SPON2: variants seen among roughly 807,000 people sequenced by gnomAD.
The protein encoded by SPON2 is spondin-2.
Under a neutral mutation model 29.9 loss-of-function variants are expected in SPON2, and 32 were observed. The ratio of observed to expected loss-of-function variants is 1.07; its 90% CI spans 0.81 to 1.44. SPON2 has a LOEUF of 1.44. Among genes scored for constraint, SPON2 ranks in the 40% most tolerant of loss-of-function variants. The pLI, the probability that SPON2 is intolerant of heterozygous loss-of-function variation, is 0.00. For synonymous variants in SPON2, 248 were observed against 209.1 expected (o/e 1.19, Z -1.61); for missense variants, 541 against 455.5 (o/e 1.19, Z -1.71).
chr4:1,194,801 C>A (rs910937357), intron 1 of SPON2, among the ~76,000 whole-genome samples: 3 of 152,112 alleles, frequency 2.0e-5, no homozygotes, highest in African/African-American at 7.2e-5. Flanking sequence ...TCAGCGGGGG[C>A]TGCCTGGCAG....
At position 1,168,575 on chromosome 4, in the gene SPON2, G is replaced by A. The variant is rs115682885; in HGVS notation, c.812-919C>T. The stretch of plus-strand genomic sequence containing the variant: ...GACCTTGGGCGCTGAGGCTTCGCAG[G>A]GGCACTGGTGTAGAAGCCAGAGAGC... On this transcript the variant is annotated intron_variant, in intron 5 of 5. Coordinates refer to ENST00000290902, the MANE Select transcript of SPON2 (RefSeq NM_012445.4). Among the ~76,000 whole-genome samples, 624 of 152,318 alleles carry A rather than the reference G, an allele frequency of 4.1e-3. 4 individuals carry two copies. The highest frequency in any genetic ancestry group is 0.014 in the African/African-American group (590 of 41,568).
At chr4:1,176,992 G>A (rs1727617361), upstream of SPON2, among the ~76,000 whole-genome samples, 1 of 152,370 alleles carries the variant, frequency 6.6e-6, no homozygotes, top group East Asian at 1.9e-4. Flanking sequence ...GGGGGCTGGG[G>A]TGGAGTGGAT....
chr4:1,171,655 C>G, intron 2 of SPON2, 169 bp from the exon 3 acceptor site: 1 of 809,136 alleles, frequency 1.2e-6, no homozygotes, highest in Non-Finnish European at 1.9e-6. Context: ...CCCACCTGCG[C>G]CCTCCCCGTG....
intron 1 of SPON2, among the ~76,000 whole-genome samples, chr4:1,207,384 T>C (rs1430725451): frequency 6.6e-6 from 1 of 152,146 alleles, no homozygotes; most frequent in African/African-American, 2.4e-5. Flanking sequence ...CCAGCTTGCA[T>C]CAGGGACCTG....
Position 1,186,866 on chromosome 4 carries a change from C to T in SPON2, c.-238-7325G>A, listed in dbSNP as rs148999164. Among the ~76,000 whole-genome samples the T allele has an allele frequency of 3.0e-4, 45 of 152,218 alleles. No individual in the cohort carries two copies. The East Asian group carries it at 7.3e-3, about 25-fold the overall frequency. On this transcript the variant is annotated intron_variant, in intron 1 of 3. Coordinates refer to the SPON2 transcript ENST00000502483. ...ATTAAGATGACTACTATCAAAAAAA[C>T]CCCAAAATAACAAGTATTGGCAAGG...
intron 1 of SPON2, among the ~76,000 whole-genome samples, chr4:1,206,122 T>C (rs1473776364): frequency 6.6e-6 from 1 of 152,092 alleles, no homozygotes; most frequent in East Asian, 1.9e-4. Flanking sequence ...CTGGGGGCTG[T>C]CAGGGTGACC....
At chr4:1,168,019 AC>A in intron 5 of SPON2, 1 of 232,072 alleles carries the variant, frequency 4.3e-6, no homozygotes, top group South Asian at 1.4e-4. Flanking sequence ...CCGAGCCTGG[AC>A]CCAGCTGCTA....
rs1200584510 is a variant in SPON2, at chr4:1,171,092, C to T, written c.543G>A (p.Ala181=). Reference sequence around the variant, plus strand: ...CGGCGTCGTAGGGGTACAGGTCCAGCGCCGCCTGTTCCCGCCAACGGTCCC... The same window carrying T: ...CGGCGTCGTAGGGGTACAGGTCCAGTGCCGCCTGTTCCCGCCAACGGTCCC... ...CDGDRWREQA[A]LDLYPYDAGT... Residue 181 remains alanine (A), a synonymous_variant, in exon 4 of 6, where the codon GCG becomes GCA. Transcript: ENST00000290902. 3.9e-6 allele frequency: 6 copies of T among 1,550,262 alleles called. No homozygotes were observed. Among genetic ancestry groups the T allele is most frequent in the African/African-American group, 1.4e-5 (1 of 73,056 alleles).
chr4:1,178,309 C>G (rs1473692685), intron 2 of SPON2, among the ~76,000 whole-genome samples: 1 of 152,198 alleles, frequency 6.6e-6, no homozygotes, highest in East Asian at 1.9e-4. Flanking sequence ...ACCATGGGCT[C>G]TGCACATATC....
chr4:1,204,940 C>T (rs1205955999), intron 1 of SPON2: 1 of 152,372 alleles, frequency 6.6e-6, no homozygotes, highest in African/African-American at 2.4e-5. Context: ...GATGCTGATT[C>T]CTGACTCTGA....
At chr4:1,193,251 A>T (rs542095962) in intron 1 of SPON2, among the ~76,000 whole-genome samples, 1 of 152,190 alleles carries the variant, frequency 6.6e-6, no homozygotes, top group South Asian at 2.1e-4. Context: ...CACTGCAGAG[A>T]CTCAGTGGGC....
upstream of SPON2, among the ~76,000 whole-genome samples, chr4:1,174,412 A>AGG (rs202183459): frequency 6.7e-6 from 1 of 148,234 alleles, no homozygotes; most frequent in Admixed American, 6.8e-5. Context: ...TCTTGAACCC[A>AGG]GGGGGCAGGG....
At chr4:1,169,450 CTCTG>C (rs1347474419) in intron 5 of SPON2, among the ~76,000 whole-genome samples, 1 of 152,228 alleles carries the variant, frequency 6.6e-6, no homozygotes, top group Non-Finnish European at 1.5e-5. Context: ...TGGGCACAGT[CTCTG>C]TCTGGGGAGT....
rs1448011528 is a variant in SPON2, at chr4:1,202,194, G to T, written c.-234+5686C>A. 6.6e-6 allele frequency among the ~76,000 whole-genome samples: 1 copy of T among 152,176 alleles called. No homozygotes were observed. The highest frequency in any genetic ancestry group is 1.9e-4 in the East Asian group (1 of 5,184). ...CCTCCCCGTCTGGAGGCCAAGGTTG[G>T]GTTCTCCTCTTCCACGATGGCCCTT... On this transcript the variant is annotated intron_variant, in intron 1 of 3. Coordinates refer to the SPON2 transcript ENST00000509233. This position sits in a 1 kb window ranked among gnomAD's most constrained non-coding sequence, Gnocchi z 5.4.
chr4:1,186,308 T>G (rs1478929348), intron 1 of SPON2, among the ~76,000 whole-genome samples: 2 of 139,764 alleles, frequency 1.4e-5, no homozygotes, highest in Non-Finnish European at 3.1e-5. Flanking sequence ...GGAGAAAATG[T>G]TTTTTTTTTT....
chr4:1,198,047 C>CAA (rs71640383), upstream of SPON2, among the ~76,000 whole-genome samples: 67,329 of 137,444 alleles, frequency 0.49, 16,607 homozygotes, highest in Non-Finnish European at 0.54. Context: ...GACTCTGTTT[C>CAA]AAAAAAAAAA....
upstream of SPON2, among the ~76,000 whole-genome samples, chr4:1,175,336 C>A (rs1727571171): frequency 6.6e-6 from 1 of 152,262 alleles, no homozygotes; most frequent in Admixed American, 6.5e-5. Context: ...CAGCGGCTTC[C>A]AGGCTCACCC....
intron 4 of SPON2, 59 bp from the exon 5 acceptor site, chr4:1,170,635 G>A (rs946306287): frequency 9.7e-6 from 15 of 1,543,546 alleles, no homozygotes; most frequent in Middle Eastern, 1.7e-4. Context: ...TCTGGTATGC[G>A]TATGGCCTCA....
Position 1,172,092 on chromosome 4 carries a change from A to G in SPON2, c.-3-18T>C, listed in dbSNP as rs1427963965. 4 of 1,603,392 alleles carry G rather than the reference A, an allele frequency of 2.5e-6. No homozygotes were observed. The highest frequency in any genetic ancestry group is 3.4e-6 in the Non-Finnish European group (4 of 1,175,028). ...TCCATCACCTGGGAGCACAGAGGGG[A>G]GCAGCCGCGCGCTGGCACCGTCGTG... On this transcript the variant is annotated intron_variant, in intron 1 of 5. Coordinates refer to ENST00000290902, the MANE Select transcript of SPON2 (RefSeq NM_012445.4).
Sources: allele counts gnomAD v4.1 joint callset (sites outside exome capture counted in the v4.1 genomes callset), GRCh38; gene constraint gnomAD v4.1.1; non-coding constraint Gnocchi (gnomAD v3.1); transcripts MANE v1.5; gene names NCBI Gene and HGNC (gene_info 2026-07-23, HGNC 2026-07-21).